KIAA0319: variants seen among roughly 807,000 people sequenced by gnomAD.
The protein encoded by KIAA0319 is KIAA0319.
A neutral mutation model predicts 108.4 loss-of-function variants in KIAA0319; 83 were observed. That is an observed-to-expected ratio of 0.77 (90% CI 0.64 to 0.92). The LOEUF (loss-of-function observed/expected upper bound fraction) is 0.92, where lower values mean the gene tolerates loss of function less well. KIAA0319 is among the 40% of genes least tolerant of loss of function. KIAA0319 has a pLI of 0.00. For synonymous variants in KIAA0319, 484 were observed against 510.4 expected (o/e 0.95, Z 0.70); for missense variants, 1,195 against 1,322.4 (o/e 0.90, Z 1.49).
intron 1 of KIAA0319, among the ~76,000 whole-genome samples, chr6:24,644,256 T>A (rs1777331541): frequency 6.7e-6 from 1 of 149,076 alleles, no homozygotes; most frequent in South Asian, 2.1e-4. Context: ...AGGGGGGGGT[T>A]CCCACTCTGA....
Position 24,551,224 on chromosome 6 carries a change from C to T in KIAA0319, c.3040+210G>A, listed in dbSNP as rs536031979. On this transcript the variant is annotated intron_variant, in intron 20 of 20. Transcript: ENST00000378214. ...GTGGTCTCGAACTACTGAGCTCAGG[C>T]GCCTTGGCCTAAGTGCTAGGATTAC... Among the ~76,000 whole-genome samples, 99 of 151,718 alleles carry T rather than the reference C, an allele frequency of 6.5e-4. No individual in the cohort carries two copies. The Middle Eastern group carries it at 0.01, about 16-fold the overall frequency.
rs1561898235 is a variant in KIAA0319, at chr6:24,547,362, G to GC, written c.3041-20dup. On this transcript the variant is annotated intron_variant, in intron 20 of 20. Transcript: ENST00000378214. Reference sequence around the variant, plus strand: ...TTGATACCTAGAGAGAAGCACAGAAGCATCTGAGGAGGAACGCCGTGATTC... The same window carrying GC: ...TTGATACCTAGAGAGAAGCACAGAAGCCATCTGAGGAGGAACGCCGTGATTC... 7 of 1,607,912 alleles carry GC rather than the reference G, an allele frequency of 4.4e-6. No homozygotes were observed. In the Admixed American group the frequency reaches 1.2e-4, roughly 27 times the overall value.
intron 1 of KIAA0319, among the ~76,000 whole-genome samples, chr6:24,618,069 T>C (rs1443612265): frequency 6.6e-6 from 1 of 152,084 alleles, no homozygotes; most frequent in Non-Finnish European, 1.5e-5. Flanking sequence ...AAAAAAAATT[T>C]GGCCACTGGG....
chr6:24,640,160 A>G (rs536126628), intron 1 of KIAA0319, among the ~76,000 whole-genome samples: 2 of 152,128 alleles, frequency 1.3e-5, no homozygotes, highest in Non-Finnish European at 2.9e-5. Flanking sequence ...ACTAACTTTC[A>G]ATTTTTTAAA....
chr6:24,631,258 C>G (rs576880139), intron 1 of KIAA0319, among the ~76,000 whole-genome samples: 2 of 152,330 alleles, frequency 1.3e-5, no homozygotes, highest in African/African-American at 4.8e-5. Flanking sequence ...GCCAAGGCAG[C>G]CTTCAGCTTC....
chr6:24,552,057 G>A (rs770548156), intron 19 of KIAA0319, among the ~76,000 whole-genome samples: 8 of 149,992 alleles, frequency 5.3e-5, no homozygotes, highest in Non-Finnish European at 1.0e-4. Context: ...CTGGTCCCAT[G>A]TGCCTCATCC....
rs1162882772 is a variant in KIAA0319 at position 24,572,486 on chromosome 6, C to T, written c.1858+89G>A. 1.8e-5 allele frequency: 27 copies of T among 1,463,070 alleles called. No homozygotes were observed. In the East Asian group the frequency reaches 6.1e-4, roughly 33 times the overall value. The allele number at this position is 1,463,070 out of a possible 1,614,324, so 90.6% of individuals were successfully genotyped here. On this transcript the variant is annotated intron_variant, in intron 11 of 20. Transcript: ENST00000378214. ...GAGCTTTGGCACCCACAGGCCGGTA[C>T]CACCAAGTGTGGCATCTCCAAACCC...
intron 1 of KIAA0319, among the ~76,000 whole-genome samples, chr6:24,611,739 G>C (rs1389111828): frequency 3.9e-5 from 6 of 151,972 alleles, no homozygotes; most frequent in African/African-American, 1.5e-4. Context: ...GAAAATATAA[G>C]CGCATTTGAA....
At position 24,570,012 on chromosome 6, in the gene KIAA0319, C is replaced by T; in HGVS notation, c.1882G>A (p.Val628Met). 1 of 1,614,114 alleles carries T rather than the reference C, an allele frequency of 6.2e-7. No homozygotes were observed. The highest frequency in any genetic ancestry group is 8.5e-7 in the Non-Finnish European group (1 of 1,179,982). The change falls in exon 12 of 21, where the codon GTG (valine) becomes ATG (methionine). Residue 628 changes from valine to methionine, a missense_variant. Coordinates refer to ENST00000378214, the MANE Select transcript of KIAA0319 (RefSeq NM_014809.4). ...ATCAGCTCTTTATCAGGGCCGGCCA[C>T]AGCCACTGGAGGTCTATTGTTTTCT... is the stretch of plus-strand genomic sequence containing the variant. ...QPENNRPPVA[V>M]AGPDKELIFP...
At chr6:24,620,629 T>C (rs1773805129) in intron 1 of KIAA0319, among the ~76,000 whole-genome samples, 1 of 152,152 alleles carries the variant, frequency 6.6e-6, no homozygotes, top group African/African-American at 2.4e-5. Context: ...TTTTTTTCTA[T>C]CTTCAATCTT....
At chr6:24,573,587 T>C (rs16889485) in intron 10 of KIAA0319, among the ~76,000 whole-genome samples, 4,659 of 152,244 alleles carry the variant, frequency 0.031, 218 homozygotes, top group African/African-American at 0.1. Flanking sequence ...TGTGGAACAA[T>C]GCATACAATG....
chr6:24,573,918 C>A (rs1458060057), intron 10 of KIAA0319, among the ~76,000 whole-genome samples: 2 of 151,788 alleles, frequency 1.3e-5, no homozygotes, highest in Non-Finnish European at 2.9e-5. Context: ...AGTTCAAGAC[C>A]AGCCTGGCCA....
chr6:24,553,294 T>TATATATATAC (rs1554142428), intron 19 of KIAA0319, among the ~76,000 whole-genome samples: 1 of 91,064 alleles, frequency 1.1e-5, no homozygotes, highest in African/African-American at 4.8e-5. Context: ...TATATATATA[T>TATATATATAC]ACACACACAC....
chr6:24,640,121 T>C (rs1776732585), intron 1 of KIAA0319, among the ~76,000 whole-genome samples: 1 of 152,080 alleles, frequency 6.6e-6, no homozygotes, highest in Non-Finnish European at 1.5e-5. Context: ...TTGAGGGTAT[T>C]TTGGTACATG....
intron 1 of KIAA0319, among the ~76,000 whole-genome samples, chr6:24,642,509 A>G (rs1443590410): frequency 6.6e-6 from 1 of 152,200 alleles, no homozygotes; most frequent in Non-Finnish European, 1.5e-5. Flanking sequence ...CCCCATCATC[A>G]CATGAATAAA....
In KIAA0319 at chr6:24,580,890, T is replaced by C. The variant is rs761680721; in HGVS notation, c.1279+36A>G. 4 of 1,374,094 alleles carry C rather than the reference T, an allele frequency of 2.9e-6. No individual in the cohort carries two copies. The South Asian group carries it at 4.7e-5, about 16-fold the overall frequency. 85.1% of individuals were successfully genotyped at this position (1,374,094 alleles called of 1,614,324 possible). A position where few individuals can be genotyped will look rare whatever the true frequency, so the allele number is the denominator to read the frequency against. ...CAGGCACCAAAAATTGAGATAAATA[T>C]GTACAACAGGAGGTCATTCTCTTAC... On this transcript the variant is annotated intron_variant, in intron 7 of 20. Transcript: ENST00000378214.
chr6:24,578,735 A>G (rs185450992), intron 8 of KIAA0319, among the ~76,000 whole-genome samples: 1 of 152,350 alleles, frequency 6.6e-6, no homozygotes, highest in Admixed American at 6.5e-5. Context: ...TTCTACTTTA[A>G]AAGAGAACAA....
At chr6:24,549,460 C>CTGTGGGTAA (rs1761141491) in intron 20 of KIAA0319, among the ~76,000 whole-genome samples, 2 of 152,048 alleles carry the variant, frequency 1.3e-5, no homozygotes, top group African/African-American at 2.4e-5. Flanking sequence ...GCCTCCAGAA[C>CTGTGGGTAA]TGTGGGTAAT....
chr6:24,578,315 T>G, intron 8 of KIAA0319, 73 bp from the exon 9 acceptor site: 1 of 1,099,896 alleles, frequency 9.1e-7, no homozygotes, highest in Non-Finnish European at 1.3e-6. Flanking sequence ...CTTTAATTAT[T>G]GCATATTTAA....
Sources: allele counts gnomAD v4.1 joint callset (sites outside exome capture counted in the v4.1 genomes callset), GRCh38; gene constraint gnomAD v4.1.1; transcripts MANE v1.5; gene names NCBI Gene and HGNC (gene_info 2026-07-23, HGNC 2026-07-21).